ZNF438: variants seen among roughly 807,000 people sequenced by gnomAD.
ZNF438 encodes the protein zinc finger protein 438.
A neutral mutation model predicts 38.0 loss-of-function variants in ZNF438; 25 were observed. The observed-to-expected ratio is 0.66, with a 90% CI of 0.48 to 0.92. The LOEUF (loss-of-function observed/expected upper bound fraction) is 0.92. Among genes scored for constraint, ZNF438 ranks in the 40% least tolerant of loss-of-function variants. ZNF438 has a pLI of 0.00. For missense variants in ZNF438, 1,007 were observed against 999.6 expected, an observed-to-expected ratio of 1.01 and a Z score of -0.10; for synonymous variants, 372 against 364.1, an observed-to-expected ratio of 1.02 and a Z score of -0.25.
chr10:30,969,429 AAC>A (rs1314287654), intron 1 of ZNF438, among the ~76,000 whole-genome samples: 232 of 152,322 alleles, frequency 1.5e-3, no homozygotes, highest in African/African-American at 4.9e-3. Flanking sequence ...TAATTTCTTG[AAC>A]ACTGAATAAC....
chr10:30,951,482 T>C (rs1217562516), intron 1 of ZNF438, among the ~76,000 whole-genome samples: 9 of 152,142 alleles, frequency 5.9e-5, no homozygotes, highest in East Asian at 3.8e-4. Context: ...GACGACATGA[T>C]TGTATATCCA....
chr10:30,870,674 A>G (rs1200103186), intron 4 of ZNF438, among the ~76,000 whole-genome samples: 1 of 152,160 alleles, frequency 6.6e-6, no homozygotes, highest in Non-Finnish European at 1.5e-5. Flanking sequence ...AAATACACTT[A>G]TAACAAGGTC....
chr10:30,874,103 G>GGTGTGT (rs754046244), intron 4 of ZNF438, among the ~76,000 whole-genome samples: 3 of 16,816 alleles, frequency 1.8e-4, no homozygotes, highest in African/African-American at 1.1e-3. Context: ...GGTGTGTGGG[G>GGTGTGT]GTGTGTGTGT....
At position 30,849,369 on chromosome 10, in the gene ZNF438, GC is replaced by G. The variant is rs771345853; in HGVS notation, c.1035del (p.Arg345SerfsTer31). Reference sequence around the variant, plus strand: ...TGCTGTGACACTTGTGGAACAGGTAGCCTGCTTGCCACCTTGGTGGCTGCAT... The same window carrying G: ...TGCTGTGACACTTGTGGAACAGGTAGCTGCTTGCCACCTTGGTGGCTGCAT... On this transcript the variant is annotated frameshift_variant, in exon 5 of 6. Transcript: ENST00000413025. LOFTEE classifies it high-confidence loss of function. 24 of 1,614,094 alleles carry G rather than the reference GC, an allele frequency of 1.5e-5. No individual in the cohort carries two copies. Among genetic ancestry groups the G allele is most frequent in the Non-Finnish European group, 2.0e-5 (24 of 1,180,050 alleles).
intron 3 of ZNF438, among the ~76,000 whole-genome samples, chr10:30,892,861 G>C (rs1019121009): frequency 2.0e-5 from 3 of 152,150 alleles, no homozygotes; most frequent in African/African-American, 7.2e-5. Flanking sequence ...CACTTATAAA[G>C]CATCTTCATT....
intron 1 of ZNF438, among the ~76,000 whole-genome samples, chr10:30,953,313 T>A (rs2048445372): frequency 1.3e-5 from 2 of 152,160 alleles, no homozygotes; most frequent in South Asian, 4.1e-4. Context: ...GATGACGAGT[T>A]AGTGGGTGCA....
intron 1 of ZNF438, among the ~76,000 whole-genome samples, chr10:30,993,878 C>T (rs2053777040): frequency 6.6e-6 from 1 of 152,246 alleles, no homozygotes; most frequent in African/African-American, 2.4e-5. Context: ...ACCCGTGTGC[C>T]CATGATGCAG....
At chr10:30,904,072 A>C (rs2042335324) in intron 3 of ZNF438, among the ~76,000 whole-genome samples, 1 of 152,078 alleles carries the variant, frequency 6.6e-6, no homozygotes, top group Non-Finnish European at 1.5e-5. Context: ...TCTCAGAGCA[A>C]AATTCATCTG....
exon 5 of ZNF438, chr10:30,849,694 TGAA>T (rs1478569891): frequency 1.2e-6 from 2 of 1,614,222 alleles, no homozygotes; most frequent in Admixed American, 3.3e-5. Context: ...GTGCTTTCCC[TGAA>T]AGAGCTGTGA....
At chr10:30,863,055 T>A (rs2035847987) in intron 4 of ZNF438, among the ~76,000 whole-genome samples, 1 of 152,232 alleles carries the variant, frequency 6.6e-6, no homozygotes. Context: ...ATTTTTTTGC[T>A]GCACGTTTTT....
At chr10:30,894,621 G>A (rs1006332736) in intron 3 of ZNF438, among the ~76,000 whole-genome samples, 14 of 152,016 alleles carry the variant, frequency 9.2e-5, no homozygotes, top group African/African-American at 3.1e-4. Context: ...TAGAACTAAC[G>A]ATCAAGAGAA....
chr10:30,859,643 A>C (rs115483143), intron 4 of ZNF438, among the ~76,000 whole-genome samples: 4 of 152,350 alleles, frequency 2.6e-5, no homozygotes, highest in African/African-American at 7.2e-5. Context: ...TGAAATGGGC[A>C]TAATAATATC....
intron 1 of ZNF438, among the ~76,000 whole-genome samples, chr10:31,030,594 C>G (rs1454849009): frequency 3.9e-5 from 6 of 152,172 alleles, no homozygotes; most frequent in Admixed American, 2.6e-4. Context: ...TCCTTGGACA[C>G]GAAGCTAGTT....
intron 3 of ZNF438, among the ~76,000 whole-genome samples, chr10:30,879,425 C>T (rs750186454): frequency 2.0e-5 from 3 of 152,062 alleles, no homozygotes; most frequent in Admixed American, 6.5e-5. Context: ...ATATCTACCA[C>T]CCAATAAAGT....
intron 3 of ZNF438, among the ~76,000 whole-genome samples, chr10:30,880,447 A>G (rs1037406160): frequency 3.3e-5 from 5 of 149,298 alleles, no homozygotes; most frequent in African/African-American, 9.8e-5. Flanking sequence ...AAAAAAAAAA[A>G]GAAAAAGAAA....
rs1454773787 is a variant in ZNF438 at position 30,849,695 on chromosome 10, G to A, written c.710C>T (p.Ser237Leu). The stretch of plus-strand genomic sequence containing the variant: ...CTTGCTTACAAAGTGTGCTTTCCCT[G>A]AAAGAGCTGTGAGGTCCTGCTTGGC... The change falls in exon 5 of 6, where the codon TCA (serine) becomes TTA (leucine). Residue 237 changes from serine (S) to leucine (L), a missense_variant. Transcript: ENST00000413025. The A allele has an allele frequency of 1.9e-6, 3 of 1,614,084 alleles. No individual in the cohort carries two copies. In the African/African-American group the frequency reaches 4.0e-5, roughly 22 times the overall value.
At chr10:30,930,899 G>GTTTGAAGTC (rs1323572345) in intron 2 of ZNF438, among the ~76,000 whole-genome samples, 1 of 146,492 alleles carries the variant, frequency 6.8e-6, no homozygotes, top group Non-Finnish European at 1.5e-5. Context: ...ATTTTTAATG[G>GTTTGAAGTC]TTTGAAGTCA....
chr10:30,999,073 T>C (rs1043084754), intron 1 of ZNF438, among the ~76,000 whole-genome samples: 4 of 152,054 alleles, frequency 2.6e-5, no homozygotes, highest in Non-Finnish European at 4.4e-5. Flanking sequence ...AGAATTGTGC[T>C]CTTATCCAAG....
At chr10:31,015,750 G>A (rs986288648) in intron 1 of ZNF438, among the ~76,000 whole-genome samples, 1 of 152,180 alleles carries the variant, frequency 6.6e-6, no homozygotes, top group Non-Finnish European at 1.5e-5. Flanking sequence ...ACCATGACTG[G>A]GACTTCCTCA....
Sources: gnomAD v4.1 joint callset for allele counts (sites outside exome capture counted in the v4.1 genomes callset) on GRCh38, gnomAD v4.1.1 for gene constraint, MANE v1.5 for transcripts, NCBI Gene and HGNC (gene_info 2026-07-23, HGNC 2026-07-21) for gene names.